Variants in CNTN5 observed in about 807,000 individuals in gnomAD.
The protein encoded by CNTN5 is contactin-5.
A neutral mutation model predicts 129.1 loss-of-function variants in CNTN5; 77 were observed. The observed-to-expected ratio is 0.60, with a 90% CI of 0.50 to 0.72. The LOEUF (loss-of-function observed/expected upper bound fraction) is 0.72. Among genes scored for constraint, CNTN5 ranks in the 30% least tolerant of loss-of-function variants. CNTN5 has a pLI of 0.00. For missense variants in CNTN5, 1,478 were observed against 1,328.8 expected, an observed-to-expected ratio of 1.11 and a Z score of -1.75; for synonymous variants, 509 against 465.6, an observed-to-expected ratio of 1.09 and a Z score of -1.20.
At chr11:99,073,466 G>A (rs900171607) in intron 1 of CNTN5, among the ~76,000 whole-genome samples, 7 of 148,054 alleles carry the variant, frequency 4.7e-5, no homozygotes, top group Admixed American at 2.1e-4. Context: ...GTGTCATGGT[G>A]GTTTGCTGCA....
intron 1 of CNTN5, among the ~76,000 whole-genome samples, chr11:99,202,706 A>G (rs550461596): frequency 6.6e-6 from 1 of 151,764 alleles, no homozygotes; most frequent in South Asian, 2.1e-4. Context: ...ACACAGTCCA[A>G]AAACAAAAAC....
chr11:100,260,783 A>T (rs1465033207), intron 17 of CNTN5, among the ~76,000 whole-genome samples: 1 of 152,202 alleles, frequency 6.6e-6, no homozygotes, highest in Non-Finnish European at 1.5e-5. Flanking sequence ...ATAGGTACTG[A>T]TGGAACATAT....
intron 3 of CNTN5, among the ~76,000 whole-genome samples, chr11:99,716,085 C>G (rs1425088114): frequency 1.3e-5 from 2 of 151,880 alleles, no homozygotes; most frequent in Non-Finnish European, 2.9e-5. Flanking sequence ...TGCTTTCATA[C>G]TTGGTATCTT....
chr11:100,219,806 T>G (rs946670408), intron 15 of CNTN5, among the ~76,000 whole-genome samples: 1 of 152,212 alleles, frequency 6.6e-6, no homozygotes, highest in Non-Finnish European at 1.5e-5. Context: ...TAGTAGTGAT[T>G]AATAGTTTTA....
chr11:99,184,967 A>G (rs1338438946), intron 1 of CNTN5, among the ~76,000 whole-genome samples: 3 of 143,066 alleles, frequency 2.1e-5, no homozygotes, highest in Non-Finnish European at 4.7e-5. Flanking sequence ...AATCAATTCC[A>G]GATGATAAAG....
chr11:100,285,406 AG>A (rs1342190054), intron 18 of CNTN5, among the ~76,000 whole-genome samples: 3 of 152,122 alleles, frequency 2.0e-5, no homozygotes, highest in Admixed American at 1.3e-4. Context: ...GAGAGTCAAG[AG>A]AATGTTTTAG....
chr11:99,091,043 A>G (rs1423668991), intron 1 of CNTN5, among the ~76,000 whole-genome samples: 1 of 151,182 alleles, frequency 6.6e-6, no homozygotes, highest in South Asian at 2.1e-4. Flanking sequence ...AAAAAAAAAA[A>G]AGCCTTATGT....
chr11:100,084,408 C>T lies in CNTN5; in HGVS notation c.1580+10114C>T, dbSNP rs188833126. Among the ~76,000 whole-genome samples the T allele has an allele frequency of 1.9e-3, 284 of 152,160 alleles. 5 individuals carry two copies. Among genetic ancestry groups the T allele is most frequent in the Admixed American group, 0.015 (236 of 15,272 alleles). On this transcript the variant is annotated intron_variant, in intron 13 of 24. Coordinates refer to ENST00000524871, the MANE Select transcript of CNTN5 (RefSeq NM_014361.4). Reference sequence around the variant, plus strand: ...ATTCTGAGGCTGCTTAGAAAAAAAGCATTGTACGGTCGAGATTTTTAGCAT... The same window carrying T: ...ATTCTGAGGCTGCTTAGAAAAAAAGTATTGTACGGTCGAGATTTTTAGCAT...
intron 2 of CNTN5, among the ~76,000 whole-genome samples, chr11:99,376,012 A>G (rs1174406829): frequency 6.6e-6 from 1 of 152,222 alleles, no homozygotes; most frequent in Admixed American, 6.5e-5. Context: ...ACAATGACCC[A>G]TTTACCAAAG....
At chr11:99,170,454 G>T (rs867505334) in intron 1 of CNTN5, among the ~76,000 whole-genome samples, 3 of 152,238 alleles carry the variant, frequency 2.0e-5, no homozygotes, top group East Asian at 1.9e-4. Context: ...TCTCTAAGGG[G>T]CTTATTTTTC....
At position 99,306,689 on chromosome 11, in the gene CNTN5, G is replaced by A. The variant is rs533230168; in HGVS notation, c.-209-18657G>A. Reference sequence around the variant, plus strand: ...GTGGAGCTTGCAGTGAGCCAAGATCGTGCCACTGCACTCCAGCCTGGGCGA... The same window carrying A: ...GTGGAGCTTGCAGTGAGCCAAGATCATGCCACTGCACTCCAGCCTGGGCGA... On this transcript the variant is annotated intron_variant, in intron 1 of 24. Transcript: ENST00000524871. Among the ~76,000 whole-genome samples, 341 of 150,966 alleles carry A rather than the reference G, an allele frequency of 2.3e-3. 2 individuals are homozygous for A. The highest frequency in any genetic ancestry group is 8.0e-3 in the African/African-American group (328 of 41,216).
At chr11:99,593,793 T>A (rs1168798434) in intron 3 of CNTN5, among the ~76,000 whole-genome samples, 1 of 152,220 alleles carries the variant, frequency 6.6e-6, no homozygotes, top group East Asian at 1.9e-4. Flanking sequence ...AATGTGTAAC[T>A]TCTGCCAGAT....
At chr11:99,735,466 A>T (rs1943674056) in intron 3 of CNTN5, among the ~76,000 whole-genome samples, 1 of 152,232 alleles carries the variant, frequency 6.6e-6, no homozygotes. Context: ...GCTGTGGACC[A>T]TAAGAAGATT....
intron 1 of CNTN5, among the ~76,000 whole-genome samples, chr11:99,307,566 A>G (rs899506491): frequency 6.6e-6 from 1 of 152,170 alleles, no homozygotes; most frequent in Non-Finnish European, 1.5e-5. Flanking sequence ...AAATTAATGT[A>G]ACAGTCTTCT....
At chr11:99,774,896 C>T (rs1480363809) in intron 3 of CNTN5, among the ~76,000 whole-genome samples, 1 of 151,980 alleles carries the variant, frequency 6.6e-6, no homozygotes, top group African/African-American at 2.4e-5. Flanking sequence ...AAACCAGTAA[C>T]CCAAGTATCT....
chr11:99,768,776 A>T (rs1220914387), intron 3 of CNTN5, among the ~76,000 whole-genome samples: 1 of 152,128 alleles, frequency 6.6e-6, no homozygotes, highest in African/African-American at 2.4e-5. Context: ...ATAAGATAGG[A>T]TCTGCCAGAC....
intron 21 of CNTN5, among the ~76,000 whole-genome samples, chr11:100,314,211 A>C (rs1951531834): frequency 1.3e-5 from 2 of 152,170 alleles, no homozygotes; most frequent in African/African-American, 4.8e-5. Flanking sequence ...TGTGTTGAGA[A>C]TCACAGCTCT....
chr11:99,968,612 C>G (rs976086426), intron 8 of CNTN5, among the ~76,000 whole-genome samples: 1 of 127,720 alleles, frequency 7.8e-6, no homozygotes, highest in African/African-American at 2.9e-5. Context: ...CCTGATTAGT[C>G]TGTTTATCAT....
chr11:99,162,978 C>A (rs1860689541), intron 1 of CNTN5, among the ~76,000 whole-genome samples: 1 of 152,094 alleles, frequency 6.6e-6, no homozygotes, highest in Non-Finnish European at 1.5e-5. Context: ...TTTAAGTGTT[C>A]TTAATTTGAT....
Sources: allele counts gnomAD v4.1 joint callset (sites outside exome capture counted in the v4.1 genomes callset), GRCh38; gene constraint gnomAD v4.1.1; transcripts MANE v1.5; gene names NCBI Gene and HGNC (gene_info 2026-07-23, HGNC 2026-07-21).